Variants in PRKCE observed in about 807,000 individuals in gnomAD.
PRKCE encodes protein kinase C epsilon type.
In PRKCE, 16 loss-of-function variants were observed where a neutral mutation model predicts 85.4. That is an observed-to-expected ratio of 0.19 (90% CI 0.13 to 0.28). The LOEUF is 0.28. Ranked by LOEUF, PRKCE falls within the 10% of genes least tolerant of loss-of-function variation. The pLI, the probability that PRKCE is intolerant of heterozygous loss-of-function variation, is 1.00. For missense variants in PRKCE, 573 were observed against 975.2 expected, an observed-to-expected ratio of 0.59 and a Z score of 5.49; for synonymous variants, 388 against 371.5, an observed-to-expected ratio of 1.04 and a Z score of -0.51.
intron 1 of PRKCE, among the ~76,000 whole-genome samples, chr2:45,801,133 A>T (rs554273773): frequency 6.6e-6 from 1 of 152,266 alleles, no homozygotes; most frequent in Non-Finnish European, 1.5e-5. Context: ...CCAAGTTTTC[A>T]GCAGGGTGGT....
chr2:45,854,905 G>A (rs1359757629), intron 2 of PRKCE, among the ~76,000 whole-genome samples: 1 of 152,178 alleles, frequency 6.6e-6, no homozygotes, highest in African/African-American at 2.4e-5. Flanking sequence ...TTATAGGGAG[G>A]CAGATTTCAG....
rs1200600887 is a variant in PRKCE, at chr2:46,139,041, A to G, written c.1593-6052A>G. On this transcript the variant is annotated intron_variant, in intron 11 of 14. Coordinates refer to ENST00000306156, the MANE Select transcript of PRKCE (RefSeq NM_005400.3). The surrounding 1 kb of genome is among the most constrained non-coding windows in gnomAD (Gnocchi z 5.2). The stretch of plus-strand genomic sequence containing the variant: ...CGAGTGGAGAGTAAAGTAGCCATCT[A>G]TCCAGGTGTCAGGCAACAAGGGCTA... Among the ~76,000 whole-genome samples, 1 of 152,150 alleles carries G rather than the reference A, an allele frequency of 6.6e-6. No individual in the cohort carries two copies. Among genetic ancestry groups the G allele is most frequent in the Non-Finnish European group, 1.5e-5 (1 of 68,032 alleles).
chr2:46,093,820 C>T (rs1670419827), intron 11 of PRKCE, among the ~76,000 whole-genome samples: 1 of 152,166 alleles, frequency 6.6e-6, no homozygotes. Flanking sequence ...TACGCACACC[C>T]TTCCCAACCT....
chr2:45,812,523 C>T (rs536563479), intron 1 of PRKCE, among the ~76,000 whole-genome samples: 1 of 152,188 alleles, frequency 6.6e-6, no homozygotes, highest in South Asian at 2.1e-4. Flanking sequence ...TTCTGTGTGC[C>T]CTTGGGCCCT....
At chr2:45,710,335 G>T (rs1679516343) in intron 1 of PRKCE, among the ~76,000 whole-genome samples, 1 of 152,178 alleles carries the variant, frequency 6.6e-6, no homozygotes, top group Non-Finnish European at 1.5e-5. Flanking sequence ...AAATAGTCTG[G>T]CTTCAAAGTC....
intron 1 of PRKCE, among the ~76,000 whole-genome samples, chr2:45,814,172 G>C (rs754717274): frequency 6.6e-6 from 1 of 152,164 alleles, no homozygotes; most frequent in African/African-American, 2.4e-5. Context: ...TGCCATGACC[G>C]GGACCAAAGT....
chr2:45,750,240 C>T (rs1683445517), intron 1 of PRKCE, among the ~76,000 whole-genome samples: 1 of 152,182 alleles, frequency 6.6e-6, no homozygotes, highest in Non-Finnish European at 1.5e-5. Context: ...ATATTTTTAT[C>T]ACCCCAAAAG....
chr2:45,868,448 T>C (rs1693804405), intron 2 of PRKCE, among the ~76,000 whole-genome samples: 2 of 150,636 alleles, frequency 1.3e-5, no homozygotes, highest in South Asian at 4.2e-4. Flanking sequence ...CCTGAGCCCC[T>C]TTTTCCCTCC....
At chr2:45,859,428 C>G (rs1221303547) in intron 2 of PRKCE, among the ~76,000 whole-genome samples, 1 of 152,170 alleles carries the variant, frequency 6.6e-6, no homozygotes. Flanking sequence ...CCAGTTGATG[C>G]CGCCACCAGA....
chr2:46,145,298 G>C lies in PRKCE; in HGVS notation c.1731+67G>C. 6.4e-7 allele frequency: 1 copy of C among 1,568,948 alleles called. No individual in the cohort carries two copies. The highest frequency in any genetic ancestry group is 1.1e-5 in the South Asian group (1 of 89,600). ...GACCGAGGCAGGGGTCCAAACCCATGCACTGGGGTCATCTAGTGGTGCTGG... is the reference window on the plus strand; with the variant it reads ...GACCGAGGCAGGGGTCCAAACCCATCCACTGGGGTCATCTAGTGGTGCTGG... On this transcript the variant is annotated intron_variant, in intron 12 of 14. Coordinates refer to ENST00000306156, the MANE Select transcript of PRKCE (RefSeq NM_005400.3). The surrounding 1 kb of genome is among the most constrained non-coding windows in gnomAD (Gnocchi z 4.6).
At chr2:46,093,692 A>T (rs1315654531) in intron 11 of PRKCE, among the ~76,000 whole-genome samples, 1 of 151,908 alleles carries the variant, frequency 6.6e-6, no homozygotes, top group African/African-American at 2.4e-5. Flanking sequence ...CATGGCACCT[A>T]GCCTTATTGT....
chr2:46,077,457 A>G (rs772503545), intron 10 of PRKCE, among the ~76,000 whole-genome samples: 1 of 152,216 alleles, frequency 6.6e-6, no homozygotes, highest in African/African-American at 2.4e-5. Context: ...ATCATGTGAA[A>G]ACCTATTTTA....
intron 1 of PRKCE, among the ~76,000 whole-genome samples, chr2:45,749,439 T>G (rs756956930): frequency 6.6e-6 from 1 of 152,200 alleles, no homozygotes; most frequent in Non-Finnish European, 1.5e-5. Context: ...TTGCAGCTCA[T>G]GGGTGCAGTT....
chr2:45,912,241 C>T (rs1215910939), intron 2 of PRKCE, among the ~76,000 whole-genome samples: 2 of 152,064 alleles, frequency 1.3e-5, no homozygotes, highest in African/African-American at 2.4e-5. Flanking sequence ...GGTGTTATCC[C>T]GTGACAGAGT....
intron 11 of PRKCE, among the ~76,000 whole-genome samples, chr2:46,130,007 A>G (rs1406129121): frequency 6.6e-6 from 1 of 152,196 alleles, no homozygotes; most frequent in Non-Finnish European, 1.5e-5. Flanking sequence ...GGAAATTAGT[A>G]TTTGTTTAAT....
At chr2:46,157,123 C>T (rs73926201) in intron 13 of PRKCE, among the ~76,000 whole-genome samples, 1,746 of 152,310 alleles carry the variant, frequency 0.011, 33 homozygotes, top group African/African-American at 0.04. Context: ...TGAATCACTG[C>T]AGAGGACTCT....
chr2:46,081,669 T>C (rs2103850133), intron 10 of PRKCE, among the ~76,000 whole-genome samples: 1 of 152,066 alleles, frequency 6.6e-6, no homozygotes, highest in African/African-American at 2.4e-5. Flanking sequence ...GAAAGAACAG[T>C]GTGAGTAAAG....
At chr2:45,833,674 C>G (rs1356812830) in intron 1 of PRKCE, among the ~76,000 whole-genome samples, 1 of 152,188 alleles carries the variant, frequency 6.6e-6, no homozygotes, top group African/African-American at 2.4e-5. Context: ...CTTTCAATCT[C>G]TGAGATATAT....
intron 2 of PRKCE, among the ~76,000 whole-genome samples, chr2:45,970,991 TGA>T (rs1298320690): frequency 6.6e-6 from 1 of 152,044 alleles, no homozygotes; most frequent in Non-Finnish European, 1.5e-5. Context: ...ACCTCTACTA[TGA>T]GAGTTGCATT....
Sources: gnomAD v4.1 joint callset for allele counts (sites outside exome capture counted in the v4.1 genomes callset) on GRCh38, gnomAD v4.1.1 for gene constraint, Gnocchi (gnomAD v3.1) non-coding constraint, MANE v1.5 for transcripts, NCBI Gene and HGNC (gene_info 2026-07-23, HGNC 2026-07-21) for gene names.